The following COL18A1 variants were observed in gnomAD, a reference collection of about 807,000 sequenced individuals.
The protein encoded by COL18A1 is collagen type XVIII alpha 1 chain.
In COL18A1, 133 loss-of-function variants were observed where a neutral mutation model predicts 168.0. That is an observed-to-expected ratio of 0.79 (90% CI 0.69 to 0.91). The LOEUF is 0.91. Among genes scored for constraint, COL18A1 ranks in the 40% least tolerant of loss-of-function variants. The pLI is 0.00. For missense variants in COL18A1, 2,126 were observed against 1,925.4 expected (o/e 1.10, Z -1.95); for synonymous variants, 949 against 809.0 (o/e 1.17, Z -2.94).
At position 45,512,381 on chromosome 21, in the gene COL18A1, A is replaced by ATGAC; in HGVS notation, c.4006_4009dup (p.Ala1337AspfsTer51). ...CGTGCTCTGCATTGAGAACAGCTTC[A>ATGAC]TGACTGCCTCCAAGTAGCCACCGCC... On this transcript the variant is annotated frameshift_variant, in exon 42 of 42. Coordinates refer to ENST00000651438, the MANE Select transcript of COL18A1 (RefSeq NM_001379500.1). LOFTEE classifies it high-confidence loss of function. The ATGAC allele has an allele frequency of 6.2e-7, 1 of 1,612,596 alleles. No individual in the cohort carries two copies. Among genetic ancestry groups the ATGAC allele is most frequent in the Non-Finnish European group, 8.5e-7 (1 of 1,179,776 alleles).
At chr21:45,438,174 A>T (rs1602384997) in intron 2 of COL18A1, among the ~76,000 whole-genome samples, 1 of 124,670 alleles carries the variant, frequency 8.0e-6, no homozygotes, top group Non-Finnish European at 1.6e-5. Context: ...CTGCATACAC[A>T]CACTCACACT....
rs1308901302 is a variant in COL18A1, at chr21:45,505,115, C to G, written c.2869-19C>G. 1 of 1,605,624 alleles carries G rather than the reference C, an allele frequency of 6.2e-7. No individual in the cohort carries two copies. The highest frequency in any genetic ancestry group is 1.3e-5 in the African/African-American group (1 of 74,732). ...AGGGCACGAGGTAACCAGGAAGCGTCTCTTGTCGCCGTCCGTAGGGTCCCA... is the reference window on the plus strand; with the variant it reads ...AGGGCACGAGGTAACCAGGAAGCGTGTCTTGTCGCCGTCCGTAGGGTCCCA... On this transcript the variant is annotated intron_variant, in intron 34 of 41. Coordinates refer to ENST00000651438, the MANE Select transcript of COL18A1 (RefSeq NM_001379500.1).
At chr21:45,507,382 G>T in intron 37 of COL18A1, 179 bp from the exon 38 acceptor site, 1 of 667,732 alleles carries the variant, frequency 1.5e-6, no homozygotes, top group Non-Finnish European at 2.7e-6. Context: ...AGGGCCGGGT[G>T]CTGGGCAGGG....
At chr21:45,417,306 G>A (rs1008844325) in intron 2 of COL18A1, among the ~76,000 whole-genome samples, 7 of 152,192 alleles carry the variant, frequency 4.6e-5, no homozygotes, top group Admixed American at 6.5e-5. Context: ...GAATGGCACC[G>A]GCTTGCCTTA....
At chr21:45,416,873 G>A (rs1233862194) in intron 2 of COL18A1, among the ~76,000 whole-genome samples, 2 of 151,976 alleles carry the variant, frequency 1.3e-5, no homozygotes, top group African/African-American at 4.8e-5. Flanking sequence ...GCATATCCTC[G>A]TTCTGCATTT....
At chr21:45,496,417 C>T in intron 29 of COL18A1, 83 bp from the exon 30 acceptor site, 1 of 792,508 alleles carries the variant, frequency 1.3e-6, no homozygotes, top group South Asian at 1.3e-5. Flanking sequence ...TCTGATTTTT[C>T]TGATTTTTCT....
Position 45,504,393 on chromosome 21 carries a change from G to C in COL18A1, c.2728-23G>C, listed in dbSNP as rs2037054855. ...GCTTGTAGGGGTTCAGGGCTCCCGT[G>C]TAACAAGTGTTTCCGTCCACAGGGG... On this transcript the variant is annotated intron_variant, in intron 33 of 41. Coordinates refer to ENST00000651438, the MANE Select transcript of COL18A1 (RefSeq NM_001379500.1). 3 of 1,608,146 alleles carry C rather than the reference G, an allele frequency of 1.9e-6. No individual in the cohort carries two copies. In the East Asian group the frequency reaches 6.7e-5, roughly 36 times the overall value.
At chr21:45,476,741 C>T (rs530651868) in intron 6 of COL18A1, among the ~76,000 whole-genome samples, 13 of 144,544 alleles carry the variant, frequency 9.0e-5, no homozygotes, top group South Asian at 4.5e-4. Flanking sequence ...TGCATGTGGG[C>T]ATGTGTGTGT....
intron 2 of COL18A1, among the ~76,000 whole-genome samples, chr21:45,427,028 C>T (rs2033824991): frequency 6.6e-6 from 1 of 152,210 alleles, no homozygotes. Context: ...GAGGTGCAGA[C>T]ACCCCAGCTT....
rs190952843 is a variant in COL18A1 at position 45,498,328 on chromosome 21, G to T, written c.2683+667G>T. 3.1e-6 allele frequency: 2 copies of T among 654,946 alleles called. No individual in the cohort carries two copies. Among genetic ancestry groups the T allele is most frequent in the East Asian group, 2.8e-5 (1 of 35,652 alleles). The allele number at this position is 654,946 out of a possible 1,614,324, so 40.6% of individuals were successfully genotyped here. On this transcript the variant is annotated intron_variant, in intron 32 of 41. Coordinates refer to ENST00000651438, the MANE Select transcript of COL18A1 (RefSeq NM_001379500.1). This position sits in a 1 kb window ranked among gnomAD's most constrained non-coding sequence, Gnocchi z 4.5. ...CTCGCCGCCACGGTCCCCTCTCGCC[G>T]CCAGGGTCCCCTCTCACCGCCAGGG...
At chr21:45,454,205 A>G (rs1307301336) in intron 2 of COL18A1, among the ~76,000 whole-genome samples, 1 of 152,086 alleles carries the variant, frequency 6.6e-6, no homozygotes, top group African/African-American at 2.4e-5. Context: ...AGGAGGTGGC[A>G]CTCAGCTGCT....
At position 45,437,786 on chromosome 21, in the gene COL18A1, TCA is replaced by T. The variant is rs773352171; in HGVS notation, c.107-30449_107-30448del. On this transcript the variant is annotated intron_variant, in intron 2 of 41. Transcript: ENST00000651438. The stretch of plus-strand genomic sequence containing the variant: ...CTCTCCTGCACACACACACACTCAC[TCA>T]CACACAGACACACAGGCACTCTCCT... Among the ~76,000 whole-genome samples the T allele has an allele frequency of 9.8e-3, 198 of 20,134 alleles. 51 individuals carry two copies. The highest frequency in any genetic ancestry group is 0.087 in the African/African-American group (151 of 1,740). The allele number at this position is 20,134 out of a possible 152,430, so 13.2% of individuals were successfully genotyped here. A position where few individuals can be genotyped will look rare whatever the true frequency, so the allele number is the denominator to read the frequency against.
At chr21:45,493,718 G>A in intron 26 of COL18A1, 143 bp downstream of exon 26, 1 of 664,384 alleles carries the variant, frequency 1.5e-6, no homozygotes. Flanking sequence ...CCTGGCCCTG[G>A]TGGCCCCTCC....
At position 45,473,851 on chromosome 21, in the gene COL18A1, C is replaced by A; in HGVS notation, c.652-44C>A. The A allele has an allele frequency of 6.6e-7, 1 of 1,511,772 alleles. No homozygotes were observed. Among genetic ancestry groups the A allele is most frequent in the African/African-American group, 1.4e-5 (1 of 72,506 alleles). 93.6% of individuals were successfully genotyped at this position (1,511,772 alleles called of 1,614,324 possible). A position where few individuals can be genotyped will look rare whatever the true frequency, so the allele number is the denominator to read the frequency against. On this transcript the variant is annotated intron_variant, in intron 3 of 41. Transcript: ENST00000651438. The surrounding 1 kb of genome is among the most constrained non-coding windows in gnomAD (Gnocchi z 4.0). The stretch of plus-strand genomic sequence containing the variant: ...TCAAGCAGCACCGGGGTTGCCACTG[C>A]CACCTCAGGACCGCTGGTGACCCCT...
In COL18A1 at chr21:45,505,155, C is replaced by T. The variant is rs371106773; in HGVS notation, c.2890C>T (p.Arg964Trp). ...GIPGPKGESI[R>W]GQPGPPGPQG... ...GTAGGGTCCCAAGGGAGAGAGCATC[C>T]GGGGCCAGCCCGGCCCACCTGGACC... Residue 964 changes from arginine (R) to tryptophan (W), a missense_variant, in exon 35 of 42, where the codon CGG becomes TGG. Transcript: ENST00000651438. The T allele has an allele frequency of 1.8e-4, 287 of 1,608,844 alleles. 2 individuals carry two copies. The African/African-American group carries it at 2.1e-3, about 12-fold the overall frequency.
chr21:45,496,108 AT>A (rs1568928538), intron 29 of COL18A1: 1 of 390,112 alleles, frequency 2.6e-6, no homozygotes, highest in African/African-American at 2.1e-5. Flanking sequence ...CATGCCCTCC[AT>A]GCCCTCCAAG....
chr21:45,489,049 C>T (rs1025431348), intron 18 of COL18A1, among the ~76,000 whole-genome samples: 9 of 152,214 alleles, frequency 5.9e-5, no homozygotes, highest in East Asian at 1.9e-4. Context: ...GGGCCAAGGG[C>T]GCACGGGGCC....
chr21:45,508,498 GA>G lies in COL18A1; in HGVS notation c.3250-857del, dbSNP rs1243101334. Among the ~76,000 whole-genome samples the G allele has an allele frequency of 9.3e-5, 14 of 150,568 alleles. No individual in the cohort carries two copies. The East Asian group carries it at 9.7e-4, about 10-fold the overall frequency. ...GGGTGAGTGGATGGGTGGGTGGATGGATGGTGGGTAAGTGGGTTAGTGGATG... is the reference window on the plus strand; with the variant it reads ...GGGTGAGTGGATGGGTGGGTGGATGGTGGTGGGTAAGTGGGTTAGTGGATG... On this transcript the variant is annotated intron_variant, in intron 38 of 41. Transcript: ENST00000651438.
intron 20 of COL18A1, 106 bp from the exon 21 acceptor site, chr21:45,490,730 G>A (rs938918316): frequency 1.4e-5 from 18 of 1,251,784 alleles, no homozygotes; most frequent in Middle Eastern, 3.7e-4. Context: ...GGCCCCAGCC[G>A]GTCGGGAAAT....
Sources: gnomAD v4.1 joint callset for allele counts (sites outside exome capture counted in the v4.1 genomes callset) on GRCh38, gnomAD v4.1.1 for gene constraint, Gnocchi (gnomAD v3.1) non-coding constraint, MANE v1.5 for transcripts, NCBI Gene and HGNC (gene_info 2026-07-23, HGNC 2026-07-21) for gene names.